LPIN2: variants seen among roughly 807,000 people sequenced by gnomAD.
LPIN2 encodes the protein phosphatidate phosphatase LPIN2.
Under a neutral mutation model 111.4 loss-of-function variants are expected in LPIN2, and 55 were observed. The ratio of observed to expected loss-of-function variants is 0.49; its 90% confidence interval spans 0.40 to 0.62. The LOEUF (loss-of-function observed/expected upper bound fraction) is 0.62. Among genes scored for constraint, LPIN2 ranks in the 20% least tolerant of loss-of-function variants. The pLI, the probability that LPIN2 is intolerant of heterozygous loss-of-function variation, is 0.00. For missense variants in LPIN2, 992 were observed against 1,112.1 expected, an observed-to-expected ratio of 0.89 and a Z score of 1.54; for synonymous variants, 425 against 414.0, an observed-to-expected ratio of 1.03 and a Z score of -0.32.
intron 1 of LPIN2, among the ~76,000 whole-genome samples, chr18:2,995,491 T>C (rs2078327537): frequency 2.0e-5 from 3 of 152,230 alleles, no homozygotes; most frequent in Admixed American, 2.0e-4. Flanking sequence ...TATTGTCTTT[T>C]AAATCAATCA....
intron 3 of LPIN2, among the ~76,000 whole-genome samples, chr18:2,954,089 C>G (rs1159382278): frequency 6.6e-6 from 1 of 152,062 alleles, no homozygotes; most frequent in East Asian, 1.9e-4. Flanking sequence ...ATATCCCAAC[C>G]AAAATGGTAA....
At chr18:3,003,828 C>T (rs2078469991) in intron 1 of LPIN2, among the ~76,000 whole-genome samples, 1 of 152,180 alleles carries the variant, frequency 6.6e-6, no homozygotes, top group Non-Finnish European at 1.5e-5. Context: ...TAAGGTCTGA[C>T]TGCCTGCGGG....
rs1448163769 is a variant in LPIN2, at chr18:2,917,802, G to GCTT, written c.*2490_*2491insAAG. On this transcript the variant is annotated 3_prime_UTR_variant, in exon 20 of 20. Transcript: ENST00000677752. ...CGAGACTTAGACTGAACTGCAAAGA[G>GCTT]GGAAAGGGCCATTTCACCAATGGAG... is the stretch of plus-strand genomic sequence containing the variant. 1 of 152,178 alleles carries GCTT rather than the reference G, an allele frequency of 6.6e-6. No individual in the cohort carries two copies. Among genetic ancestry groups the GCTT allele is most frequent in the Non-Finnish European group, 1.5e-5 (1 of 68,046 alleles). The allele number at this position is 152,178 out of a possible 1,614,324, so 9.4% of individuals were successfully genotyped here.
At chr18:2,935,506 GGA>G (rs1178055343) in intron 7 of LPIN2, among the ~76,000 whole-genome samples, 3 of 152,194 alleles carry the variant, frequency 2.0e-5, no homozygotes, top group South Asian at 4.1e-4. Flanking sequence ...GATGGGTGTA[GGA>G]GAGAGAGTTC....
At chr18:2,934,770 A>T (rs2077262493) in intron 7 of LPIN2, among the ~76,000 whole-genome samples, 1 of 152,196 alleles carries the variant, frequency 6.6e-6, no homozygotes, top group Non-Finnish European at 1.5e-5. Flanking sequence ...AACAAGCATG[A>T]CCAAACTTAA....
intron 1 of LPIN2, among the ~76,000 whole-genome samples, chr18:3,008,355 T>C (rs1466431655): frequency 6.6e-6 from 1 of 152,170 alleles, no homozygotes; most frequent in Non-Finnish European, 1.5e-5. Context: ...GGTGGGAGGA[T>C]CGCTTGAGCC....
Position 2,951,211 on chromosome 18 carries a change from GTC to G in LPIN2, c.432_433del (p.Glu144AspfsTer23), listed in dbSNP as rs1177410534. On this transcript the variant is annotated frameshift_variant, in exon 4 of 20. Transcript: ENST00000677752. LOFTEE classifies it high-confidence loss of function. ...TTTCACAGAACTTGGAGTAAAAATT[GTC>G]TCTGTTTCCAAGACGTGTGAGATGT... 1.9e-6 allele frequency: 3 copies of G among 1,613,912 alleles called. No homozygotes were observed. The highest frequency in any genetic ancestry group is 8.5e-7 in the Non-Finnish European group (1 of 1,180,020).
In LPIN2 at chr18:3,008,928, G is replaced by A. The variant is rs1240368589; in HGVS notation, c.-10+4159C>T. On this transcript the variant is annotated intron_variant, in intron 1 of 19. Coordinates refer to ENST00000677752, the MANE Select transcript of LPIN2 (RefSeq NM_001375808.2). ...AGACAGGGTCTTGCCATGTTGTCCA[G>A]GCTGGTCTCAAACTCCAGGGCTCAG... 5.7e-5 allele frequency among the ~76,000 whole-genome samples: 8 copies of A among 139,214 alleles called. No individual in the cohort carries two copies. The Admixed American group carries it at 6.1e-4, about 11-fold the overall frequency. The allele number at this position is 139,214 out of a possible 152,430, so 91.3% of individuals were successfully genotyped here. A position where few individuals can be genotyped will look rare whatever the true frequency, so the allele number is the denominator to read the frequency against.
In LPIN2 at chr18:2,924,649, C is replaced by T. The variant is rs2077104013; in HGVS notation, c.1939-103G>A. The T allele has an allele frequency of 4.8e-6, 6 of 1,260,164 alleles. No individual in the cohort carries two copies. In the South Asian group the frequency reaches 6.2e-5, roughly 13 times the overall value. The allele number at this position is 1,260,164 out of a possible 1,614,324, so 78.1% of individuals were successfully genotyped here. A position where few individuals can be genotyped will look rare whatever the true frequency, so the allele number is the denominator to read the frequency against. ...GGTGTCTCGGAATCCCAACAAGAGG[C>T]AGGATGGTTTCCGGGGTCTTAGACA... On this transcript the variant is annotated intron_variant, in intron 14 of 19. Transcript: ENST00000677752.
chr18:2,927,695 G>A (rs371382831), intron 12 of LPIN2, 27 bp downstream of exon 12: 22 of 1,608,452 alleles, frequency 1.4e-5, no homozygotes, highest in African/African-American at 1.3e-4. Flanking sequence ...TTCAGCCCAC[G>A]GAAACAATGA....
At chr18:2,920,626 A>G in intron 19 of LPIN2, 152 bp downstream of exon 19, 1 of 798,224 alleles carries the variant, frequency 1.3e-6, no homozygotes, top group Non-Finnish European at 2.2e-6. Context: ...TCAAACAGAT[A>G]TTGTGAAAGA....
intron 9 of LPIN2, among the ~76,000 whole-genome samples, chr18:2,929,593 A>C (rs2077185942): frequency 6.6e-6 from 1 of 152,196 alleles, no homozygotes; most frequent in South Asian, 2.1e-4. Flanking sequence ...AGCAAGCTAC[A>C]TTATATCAAA....
intron 6 of LPIN2, 74 bp downstream of exon 6, chr18:2,939,401 CTCCTT>C (rs1440237474): frequency 5.7e-6 from 9 of 1,569,340 alleles, no homozygotes; most frequent in African/African-American, 4.1e-5. Context: ...CAGAAATTGC[CTCCTT>C]TACTTATGGG....
intron 7 of LPIN2, among the ~76,000 whole-genome samples, chr18:2,934,835 TTGTC>T (rs759267434): frequency 6.6e-6 from 1 of 152,172 alleles, no homozygotes; most frequent in Non-Finnish European, 1.5e-5. Context: ...GAAGGCAAGG[TTGTC>T]TGGGCACAGG....
At chr18:2,927,555 C>T (rs1453469564) in intron 12 of LPIN2, among the ~76,000 whole-genome samples, 167 bp downstream of exon 12, 1 of 152,180 alleles carries the variant, frequency 6.6e-6, no homozygotes, top group African/African-American at 2.4e-5. Flanking sequence ...AGTAAAGGAC[C>T]ACTTGGGACA....
At position 2,955,960 on chromosome 18, in the gene LPIN2, C is replaced by G. The variant is rs79741462; in HGVS notation, c.193-1361G>C. On this transcript the variant is annotated intron_variant, in intron 2 of 19. Transcript: ENST00000677752. Reference sequence around the variant, plus strand: ...AAAACAAAAACAAACAAAAAAACCTCCTATGTATGAATAACATAACCACAC... The same window carrying G: ...AAAACAAAAACAAACAAAAAAACCTGCTATGTATGAATAACATAACCACAC... Among the ~76,000 whole-genome samples, 1,272 of 152,174 alleles carry G rather than the reference C, an allele frequency of 8.4e-3. 24 individuals are homozygous for G. Among genetic ancestry groups the G allele is most frequent in the African/African-American group, 0.028 (1,183 of 41,518 alleles).
At chr18:2,979,496 T>G (rs947238529) in intron 1 of LPIN2, among the ~76,000 whole-genome samples, 2 of 152,222 alleles carry the variant, frequency 1.3e-5, no homozygotes. Flanking sequence ...ATGCATCTAC[T>G]GGACTCAGTT....
In LPIN2 at chr18:2,925,502, C is replaced by T; in HGVS notation, c.1794-134G>A. ...GGGTAGAGTTATCCCTTCTGCCATT[C>T]TCCCATATCCACAGCTCTGTACGCC... On this transcript the variant is annotated intron_variant, in intron 13 of 19. Coordinates refer to ENST00000677752, the MANE Select transcript of LPIN2 (RefSeq NM_001375808.2). This position sits in a 1 kb window ranked among gnomAD's most constrained non-coding sequence, Gnocchi z 4.1. The T allele has an allele frequency of 8.4e-7, 1 of 1,192,066 alleles. No homozygotes were observed. The highest frequency in any genetic ancestry group is 1.9e-5 in the Admixed American group (1 of 52,956). The allele number at this position is 1,192,066 out of a possible 1,614,324, so 73.8% of individuals were successfully genotyped here. A position where few individuals can be genotyped will look rare whatever the true frequency, so the allele number is the denominator to read the frequency against.
At chr18:2,971,918 G>C (rs1274403913) in intron 1 of LPIN2, among the ~76,000 whole-genome samples, 3 of 151,918 alleles carry the variant, frequency 2.0e-5, no homozygotes, top group Non-Finnish European at 2.9e-5. Flanking sequence ...ATGGTGGTGG[G>C]CACCTGTAAT....
Sources: gnomAD v4.1 joint callset for allele counts (sites outside exome capture counted in the v4.1 genomes callset) on GRCh38, gnomAD v4.1.1 for gene constraint, Gnocchi (gnomAD v3.1) non-coding constraint, MANE v1.5 for transcripts, NCBI Gene and HGNC (gene_info 2026-07-23, HGNC 2026-07-21) for gene names.